Variants in LRRC7 observed in about 807,000 individuals in gnomAD.
LRRC7 encodes the protein leucine rich repeat containing 7.
In LRRC7, 23 loss-of-function variants were observed where a neutral mutation model predicts 175.7. That is an observed-to-expected ratio of 0.13 (90% CI 0.09 to 0.19). LRRC7 has a LOEUF of 0.19. LRRC7 is among the 10% of genes least tolerant of loss of function. The probability of loss-of-function intolerance (pLI) is 1.00; values close to 1 mark genes in which losing one functional copy is unlikely to be tolerated. For synonymous variants in LRRC7, 685 were observed against 680.9 expected, an observed-to-expected ratio of 1.01 and a Z score of -0.09; for missense variants, 1,354 against 1,904.7, an observed-to-expected ratio of 0.71 and a Z score of 5.38.
chr1:70,025,464 AGAGTC>A (rs1294181013), intron 17 of LRRC7, among the ~76,000 whole-genome samples: 1 of 152,072 alleles, frequency 6.6e-6, no homozygotes, highest in African/African-American at 2.4e-5. Flanking sequence ...TATACAGAGT[AGAGTC>A]AAGATCACCA....
At position 69,847,464 on chromosome 1, in the gene LRRC7, C is replaced by T. The variant is rs78959780; in HGVS notation, c.647+9181C>T. On this transcript the variant is annotated intron_variant, in intron 7 of 26. Transcript: ENST00000651989. ...AGTTCCATATTCCAGTAGCCAATAT[C>T]AAATGGAATATTCACCACATGTTAA... Among the ~76,000 whole-genome samples, 1,275 of 152,166 alleles carry T rather than the reference C, an allele frequency of 8.4e-3. 15 individuals are homozygous for T. Among genetic ancestry groups the T allele is most frequent in the African/African-American group, 0.028 (1,172 of 41,534 alleles).
At chr1:69,886,851 G>C (rs1307392687) in intron 7 of LRRC7, among the ~76,000 whole-genome samples, 1 of 150,544 alleles carries the variant, frequency 6.6e-6, no homozygotes, top group Non-Finnish European at 1.5e-5. Flanking sequence ...TGTCTGTAAA[G>C]TATTTTATTT....
intron 24 of LRRC7, among the ~76,000 whole-genome samples, chr1:70,080,308 G>A (rs976263260): frequency 6.6e-6 from 1 of 152,170 alleles, no homozygotes; most frequent in Non-Finnish European, 1.5e-5. Context: ...ATGTGGAAAT[G>A]AACATATATA....
In LRRC7 at chr1:70,141,883, G is replaced by A. The variant is rs1176634949; in HGVS notation, c.*19996G>A. The A allele has an allele frequency of 6.6e-5, 10 of 152,204 alleles. No homozygotes were observed. The South Asian group carries it at 8.3e-4, about 13-fold the overall frequency. 9.4% of individuals were successfully genotyped at this position (152,204 alleles called of 1,614,324 possible). On this transcript the variant is annotated 3_prime_UTR_variant, in exon 27 of 27. Transcript: ENST00000651989. Reference sequence around the variant, plus strand: ...ATTTGTTTTGCACAGCTAAAATAATGAGGTTAAATAATGCCCAGGTATGCA... The same window carrying A: ...ATTTGTTTTGCACAGCTAAAATAATAAGGTTAAATAATGCCCAGGTATGCA...
chr1:69,943,238 G>A (rs527612682), intron 8 of LRRC7, among the ~76,000 whole-genome samples: 2 of 152,060 alleles, frequency 1.3e-5, no homozygotes, highest in Non-Finnish European at 2.9e-5. Context: ...GCATGATGTG[G>A]TATATCCATA....
intron 23 of LRRC7, among the ~76,000 whole-genome samples, chr1:70,075,150 A>T (rs1662681514): frequency 6.6e-6 from 1 of 152,208 alleles, no homozygotes; most frequent in Non-Finnish European, 1.5e-5. Flanking sequence ...GTTTAAAATT[A>T]TTCATGATCA....
chr1:69,808,407 C>A (rs183308544), intron 4 of LRRC7, among the ~76,000 whole-genome samples: 4 of 151,946 alleles, frequency 2.6e-5, no homozygotes, highest in Admixed American at 2.0e-4. Flanking sequence ...CTGGACCAAG[C>A]GCACCTAACA....
chr1:69,882,949 T>C (rs2101618091), intron 7 of LRRC7, among the ~76,000 whole-genome samples: 1 of 152,164 alleles, frequency 6.6e-6, no homozygotes, highest in African/African-American at 2.4e-5. Flanking sequence ...GAACTTATCA[T>C]TTTTTATGGC....
chr1:69,992,337 CCTT>C (rs1654519236), intron 10 of LRRC7, among the ~76,000 whole-genome samples: 2 of 151,924 alleles, frequency 1.3e-5, no homozygotes, highest in Admixed American at 1.3e-4. Context: ...TAGGAAAAGG[CCTT>C]CTTTTTCTAT....
chr1:69,785,507 T>C (rs1302208391), intron 3 of LRRC7, among the ~76,000 whole-genome samples: 1 of 152,152 alleles, frequency 6.6e-6, no homozygotes, highest in Non-Finnish European at 1.5e-5. Context: ...CATTGATGCA[T>C]TTGTATTAAT....
chr1:69,856,293 A>G (rs1374482788), intron 7 of LRRC7, among the ~76,000 whole-genome samples: 1 of 152,230 alleles, frequency 6.6e-6, no homozygotes, highest in East Asian at 1.9e-4. Flanking sequence ...AGAAACACAA[A>G]AAACTCTTCA....
At chr1:69,945,396 AT>A (rs1649199785) in intron 8 of LRRC7, among the ~76,000 whole-genome samples, 1 of 151,964 alleles carries the variant, frequency 6.6e-6, no homozygotes, top group Non-Finnish European at 1.5e-5. Context: ...TGCTGTTTCA[AT>A]TACCATAACT....
intron 8 of LRRC7, among the ~76,000 whole-genome samples, chr1:69,949,173 C>T (rs1025190961): frequency 6.6e-5 from 10 of 151,928 alleles, no homozygotes; most frequent in African/African-American, 2.4e-4. Flanking sequence ...TTCCCCTCAC[C>T]AATCTCCCAG....
At chr1:69,835,135 G>A (rs1184313705) in intron 6 of LRRC7, among the ~76,000 whole-genome samples, 1 of 151,526 alleles carries the variant, frequency 6.6e-6, no homozygotes, top group Non-Finnish European at 1.5e-5. Flanking sequence ...ATTATCTGAG[G>A]GAAAAAAAGG....
intron 3 of LRRC7, among the ~76,000 whole-genome samples, chr1:69,767,289 A>C (rs1474696163): frequency 6.6e-6 from 1 of 152,128 alleles, no homozygotes; most frequent in East Asian, 1.9e-4. Context: ...TAACACTTTT[A>C]TAAATGCAGA....
intron 2 of LRRC7, among the ~76,000 whole-genome samples, chr1:69,719,564 A>G (rs1666125974): frequency 6.6e-6 from 1 of 151,680 alleles, no homozygotes; most frequent in South Asian, 2.1e-4. Context: ...CTAGCATTAT[A>G]GACTTAATTT....
At chr1:69,990,843 A>G (rs771502371) in intron 10 of LRRC7, among the ~76,000 whole-genome samples, 5 of 152,174 alleles carry the variant, frequency 3.3e-5, no homozygotes, top group Non-Finnish European at 5.9e-5. Flanking sequence ...TTAATTGATT[A>G]CACTTATTCT....
intron 2 of LRRC7, among the ~76,000 whole-genome samples, chr1:69,699,993 C>A (rs1286439757): frequency 1.3e-5 from 2 of 152,128 alleles, no homozygotes; most frequent in Admixed American, 6.5e-5. Context: ...TTGACTTCAC[C>A]CCTGGGTGGA....
At chr1:69,815,938 T>G (rs527993770) in intron 4 of LRRC7, among the ~76,000 whole-genome samples, 1 of 151,680 alleles carries the variant, frequency 6.6e-6, no homozygotes, top group Non-Finnish European at 1.5e-5. Context: ...GCAAGACAGC[T>G]CTCTAGAACC....
Sources: allele counts gnomAD v4.1 joint callset (sites outside exome capture counted in the v4.1 genomes callset), GRCh38; gene constraint gnomAD v4.1.1; transcripts MANE v1.5; gene names NCBI Gene and HGNC (gene_info 2026-07-23, HGNC 2026-07-21).